Variants in HS6ST3 observed in about 807,000 individuals in gnomAD.
HS6ST3 encodes the protein heparan sulfate 6-O-sulfotransferase 3, also known as heparan-sulfate 6-O-sulfotransferase 3.
In HS6ST3, 12 loss-of-function variants were observed where a neutral mutation model predicts 36.7. The observed-to-expected ratio is 0.33, with a 90% CI of 0.21 to 0.53. The LOEUF (loss-of-function observed/expected upper bound fraction) is 0.53, where lower values mean the gene tolerates loss of function less well. HS6ST3 is among the 20% of genes least tolerant of loss of function. HS6ST3 has a pLI of 0.95. For missense variants in HS6ST3, 584 were observed against 640.9 expected (o/e 0.91, Z 0.96); for synonymous variants, 240 against 257.5 (o/e 0.93, Z 0.65).
At chr13:96,368,170 A>G (rs1012046588) in intron 1 of HS6ST3, among the ~76,000 whole-genome samples, 7 of 152,106 alleles carry the variant, frequency 4.6e-5, no homozygotes, top group African/African-American at 1.7e-4. Flanking sequence ...TGTGCATAAT[A>G]GTTCACTAAC....
intron 1 of HS6ST3, among the ~76,000 whole-genome samples, chr13:96,583,790 T>C (rs2138970712): frequency 6.6e-6 from 1 of 152,290 alleles, no homozygotes; most frequent in Non-Finnish European, 1.5e-5. Context: ...GAGACCTCCT[T>C]AGAGAGGCCT....
chr13:96,357,568 T>G (rs910035685), intron 1 of HS6ST3, among the ~76,000 whole-genome samples: 7 of 116,618 alleles, frequency 6.0e-5, no homozygotes, highest in Non-Finnish European at 1.4e-4. Flanking sequence ...CACCATCTAT[T>G]TATTTATTTA....
intron 1 of HS6ST3, among the ~76,000 whole-genome samples, chr13:96,351,289 T>A (rs1419030065): frequency 1.3e-5 from 2 of 150,558 alleles, no homozygotes; most frequent in African/African-American, 4.9e-5. Flanking sequence ...GTTATTTATT[T>A]CAACTTCCCC....
intron 1 of HS6ST3, among the ~76,000 whole-genome samples, chr13:96,491,863 C>G (rs2055947643): frequency 6.6e-6 from 1 of 152,048 alleles, no homozygotes; most frequent in African/African-American, 2.4e-5. Flanking sequence ...GAAGATCTCC[C>G]AGACAACTTT....
chr13:96,304,858 C>T (rs2054904504), intron 1 of HS6ST3, among the ~76,000 whole-genome samples: 1 of 151,428 alleles, frequency 6.6e-6, no homozygotes, highest in South Asian at 2.1e-4. Context: ...CTACAGGCAC[C>T]TGCCACCATG....
intron 1 of HS6ST3, among the ~76,000 whole-genome samples, chr13:96,401,496 C>G (rs1004524024): frequency 4.6e-5 from 7 of 152,160 alleles, no homozygotes; most frequent in Non-Finnish European, 8.8e-5. Context: ...TAGCACTGTC[C>G]TTTCTCAGTT....
At chr13:96,300,802 T>C (rs557628993) in intron 1 of HS6ST3, among the ~76,000 whole-genome samples, 1 of 152,164 alleles carries the variant, frequency 6.6e-6, no homozygotes, top group Admixed American at 6.6e-5. Flanking sequence ...AATGTATAGT[T>C]TAATTTACTT....
chr13:96,820,522 T>G (rs369674856), intron 1 of HS6ST3, among the ~76,000 whole-genome samples: 23 of 152,328 alleles, frequency 1.5e-4, no homozygotes, highest in East Asian at 7.7e-4. Flanking sequence ...TATCAGCTAC[T>G]GCCGGGCCCT....
At chr13:96,534,854 G>A (rs975133414) in intron 1 of HS6ST3, among the ~76,000 whole-genome samples, 1 of 152,144 alleles carries the variant, frequency 6.6e-6, no homozygotes, top group Non-Finnish European at 1.5e-5. Context: ...AGCTACTTAG[G>A]GAGGCTGAGA....
chr13:96,407,225 A>G (rs1419619617), intron 1 of HS6ST3, among the ~76,000 whole-genome samples: 1 of 152,036 alleles, frequency 6.6e-6, no homozygotes, highest in Non-Finnish European at 1.5e-5. Flanking sequence ...AGTTTCTGTC[A>G]GTTTGATCTT....
intron 1 of HS6ST3, among the ~76,000 whole-genome samples, chr13:96,328,480 C>T (rs1284883064): frequency 6.6e-6 from 1 of 152,000 alleles, no homozygotes; most frequent in Admixed American, 6.6e-5. Flanking sequence ...TGCTGGATTA[C>T]ATTTATTGAT....
At chr13:96,582,733 G>C (rs1206343021) in intron 1 of HS6ST3, among the ~76,000 whole-genome samples, 1 of 151,834 alleles carries the variant, frequency 6.6e-6, no homozygotes, top group Non-Finnish European at 1.5e-5. Flanking sequence ...TTTCATTTTT[G>C]AACTTGGGCA....
chr13:96,617,222 A>G (rs1320100797), intron 1 of HS6ST3, among the ~76,000 whole-genome samples: 1 of 152,216 alleles, frequency 6.6e-6, no homozygotes, highest in Non-Finnish European at 1.5e-5. Context: ...AAATACCTTG[A>G]TTAAACCTTA....
chr13:96,495,702 A>G (rs1463380761), intron 1 of HS6ST3, among the ~76,000 whole-genome samples: 1 of 152,180 alleles, frequency 6.6e-6, no homozygotes, highest in Non-Finnish European at 1.5e-5. Flanking sequence ...ATGTGACTTC[A>G]TAGGGCCACA....
chr13:96,506,093 C>T (rs2056025052), intron 1 of HS6ST3, among the ~76,000 whole-genome samples: 1 of 151,896 alleles, frequency 6.6e-6, no homozygotes, highest in Non-Finnish European at 1.5e-5. Context: ...TAATAAGGAC[C>T]TAAATAATGC....
At chr13:96,419,212 T>C (rs534329032) in intron 1 of HS6ST3, among the ~76,000 whole-genome samples, 2 of 152,318 alleles carry the variant, frequency 1.3e-5, no homozygotes, top group Non-Finnish European at 2.9e-5. Context: ...AAAATGTAAT[T>C]AGTCAACAAA....
intron 1 of HS6ST3, among the ~76,000 whole-genome samples, chr13:96,828,386 T>G (rs765162419): frequency 2.0e-5 from 3 of 152,202 alleles, no homozygotes. Flanking sequence ...ACATTTCTCA[T>G]TTTTTAGAAT....
intron 1 of HS6ST3, among the ~76,000 whole-genome samples, chr13:96,566,165 A>G (rs2056280492): frequency 6.6e-6 from 1 of 152,098 alleles, no homozygotes; most frequent in South Asian, 2.1e-4. Context: ...TTCCCAGAAA[A>G]AAAGATAAAG....
At chr13:96,618,123 G>A (rs2056481023) in intron 1 of HS6ST3, among the ~76,000 whole-genome samples, 2 of 152,088 alleles carry the variant, frequency 1.3e-5, no homozygotes, top group African/African-American at 4.8e-5. Context: ...TTTAAGAGAT[G>A]GGGTTTCACT....
Sources: allele counts gnomAD v4.1 joint callset (sites outside exome capture counted in the v4.1 genomes callset), GRCh38; gene constraint gnomAD v4.1.1; transcripts MANE v1.5; gene names NCBI Gene and HGNC (gene_info 2026-07-23, HGNC 2026-07-21).